The following AFF4 variants were observed in gnomAD, a reference collection of about 807,000 sequenced individuals.
AFF4 encodes the protein AF4/FMR2 family member 4.
Under a neutral mutation model 124.8 loss-of-function variants are expected in AFF4, and 13 were observed. That is an observed-to-expected ratio of 0.10 (90% CI 0.07 to 0.17). The LOEUF is 0.17. AFF4 is among the 10% of genes least tolerant of loss of function. The probability of loss-of-function intolerance (pLI) is 1.00; values close to 1 mark genes in which losing one functional copy is unlikely to be tolerated. For synonymous variants in AFF4, 477 were observed against 496.1 expected (o/e 0.96, Z 0.51); for missense variants, 1,092 against 1,403.8 (o/e 0.78, Z 3.55).
chr5:132,897,058 C>T lies in AFF4; in HGVS notation c.1572G>A (p.Thr524=), dbSNP rs111370902. ...AGTCTCGTCCCGGAGTAGCGGAACTCGTTTCTTTAGGTCCACTTGTATCAG... is the reference window on the plus strand; with the variant it reads ...AGTCTCGTCCCGGAGTAGCGGAACTTGTTTCTTTAGGTCCACTTGTATCAG... The part of the protein sequence containing the change: ...SYTDTSGPKE[T]SSATPGRDSK... The change falls in exon 11 of 21, where the codon ACG becomes ACA. Residue 524 remains threonine, a synonymous_variant. Coordinates refer to ENST00000265343, the MANE Select transcript of AFF4 (RefSeq NM_014423.4). The T allele has an allele frequency of 2.5e-6, 4 of 1,614,140 alleles. No individual in the cohort carries two copies. Among genetic ancestry groups the T allele is most frequent in the Non-Finnish European group, 1.7e-6 (2 of 1,180,014 alleles).
intron 1 of AFF4, among the ~76,000 whole-genome samples, chr5:132,958,758 G>T (rs1762015721): frequency 6.6e-6 from 1 of 152,090 alleles, no homozygotes; most frequent in African/African-American, 2.4e-5. Flanking sequence ...ATGATGACAT[G>T]AAAAGGAAAA....
intron 1 of AFF4, among the ~76,000 whole-genome samples, chr5:132,949,713 C>CGT (rs1159711781): frequency 2.0e-5 from 3 of 151,410 alleles, no homozygotes; most frequent in African/African-American, 7.3e-5. Flanking sequence ...CGCGCGCGCG[C>CGT]GCGCCAGGCG....
At chr5:132,903,681 G>C (rs772068600) in intron 6 of AFF4, among the ~76,000 whole-genome samples, 5 of 152,108 alleles carry the variant, frequency 3.3e-5, no homozygotes, top group African/African-American at 7.2e-5. Context: ...AAAAAACAGG[G>C]ACTGTACAAA....
intron 1 of AFF4, among the ~76,000 whole-genome samples, chr5:132,940,900 G>A (rs1255044715): frequency 1.3e-5 from 2 of 152,024 alleles, no homozygotes; most frequent in African/African-American, 4.8e-5. Flanking sequence ...GGTGGCAGGT[G>A]CCTGTAATCC....
intron 5 of AFF4, among the ~76,000 whole-genome samples, chr5:132,907,753 T>C (rs113479346): frequency 6.8e-5 from 10 of 146,608 alleles, no homozygotes; most frequent in African/African-American, 2.2e-4. Flanking sequence ...CTAAGTGCCA[T>C]AGGGAGAGAG....
At chr5:132,916,663 T>C (rs1317912000) in intron 5 of AFF4, among the ~76,000 whole-genome samples, 1 of 152,126 alleles carries the variant, frequency 6.6e-6, no homozygotes, top group Non-Finnish European at 1.5e-5. Flanking sequence ...GGAGGCCCTA[T>C]AATTAAACTC....
At position 132,892,254 on chromosome 5, in the gene AFF4, C is replaced by T; in HGVS notation, c.2547G>A (p.Lys849=). The T allele has an allele frequency of 6.2e-7, 1 of 1,614,064 alleles. No individual in the cohort carries two copies. The change falls in exon 13 of 21, where the codon AAG becomes AAA. Residue 849 remains lysine (K), a synonymous_variant. Transcript: ENST00000265343. ...TGTTTTTGCTGCTGCCACTCGTCTC[C>T]TTGTTGCTGTTACTGCTTGACTTTA... is the stretch of plus-strand genomic sequence containing the variant. ...SSLKSSSNSN[K]ETSGSSKNSS...
intron 18 of AFF4, among the ~76,000 whole-genome samples, chr5:132,885,414 G>A: frequency 7.3e-6 from 1 of 136,234 alleles, no homozygotes; most frequent in Non-Finnish European, 1.5e-5. Context: ...CTACCTGGGA[G>A]TAGCTGCAGT....
At chr5:132,943,746 C>T (rs1179700184) in intron 1 of AFF4, 1 of 317,402 alleles carries the variant, frequency 3.2e-6, no homozygotes, top group South Asian at 7.1e-5. Flanking sequence ...GGAAAAATGA[C>T]CCACCAATGG....
chr5:132,916,238 C>CAAA lies in AFF4; in HGVS notation c.1050+10880_1050+10882dup, dbSNP rs70974061. On this transcript the variant is annotated intron_variant, in intron 5 of 20. Transcript: ENST00000265343. ...TGGGTGACAGAGTAAGATGCTGTCT[C>CAAA]AAAAAAAAAAAAAAAAAAAAAAAAA... 1.2e-3 allele frequency among the ~76,000 whole-genome samples: 63 copies of CAAA among 50,682 alleles called. 3 individuals are homozygous for CAAA. The highest frequency in any genetic ancestry group is 2.1e-3 in the East Asian group (3 of 1,438). 33.2% of individuals were successfully genotyped at this position (50,682 alleles called of 152,430 possible). A position where few individuals can be genotyped will look rare whatever the true frequency, so the allele number is the denominator to read the frequency against.
intron 11 of AFF4, among the ~76,000 whole-genome samples, chr5:132,893,864 C>A (rs1371057508): frequency 6.6e-6 from 1 of 152,224 alleles, no homozygotes; most frequent in Non-Finnish European, 1.5e-5. Context: ...CCCCCAGACA[C>A]TGGCAATCAC....
At chr5:132,956,544 A>G (rs1206257923) in intron 1 of AFF4, among the ~76,000 whole-genome samples, 1 of 151,380 alleles carries the variant, frequency 6.6e-6, no homozygotes, top group Non-Finnish European at 1.5e-5. Flanking sequence ...AGCAGGGAGA[A>G]TCACTTGAAC....
chr5:132,959,699 A>T (rs917552152), intron 1 of AFF4, among the ~76,000 whole-genome samples: 1 of 150,802 alleles, frequency 6.6e-6, no homozygotes, highest in African/African-American at 2.4e-5. Flanking sequence ...CTAGAGTATC[A>T]CTTCAAATAA....
intron 11 of AFF4, 24 bp downstream of exon 11, chr5:132,896,299 A>G (rs1173098860): frequency 6.5e-7 from 1 of 1,547,006 alleles, no homozygotes; most frequent in Non-Finnish European, 8.7e-7. Context: ...GTTTCAAAAC[A>G]AACAACAAAA....
At chr5:132,924,675 G>A (rs1016001934) in intron 5 of AFF4, among the ~76,000 whole-genome samples, 7 of 152,004 alleles carry the variant, frequency 4.6e-5, no homozygotes, top group African/African-American at 1.7e-4. Context: ...TCAACATGGT[G>A]AAACCCTGTC....
Position 132,879,317 on chromosome 5 carries a change from CCTTTCCT to C in AFF4, c.*1735_*1741del, listed in dbSNP as rs1322879738. 1 of 214,900 alleles carries C rather than the reference CCTTTCCT, an allele frequency of 4.7e-6. No homozygotes were observed. Among genetic ancestry groups the C allele is most frequent in the Non-Finnish European group, 9.4e-6 (1 of 106,348 alleles). 13.3% of individuals were successfully genotyped at this position (214,900 alleles called of 1,614,324 possible). On this transcript the variant is annotated 3_prime_UTR_variant, in exon 21 of 21. Transcript: ENST00000265343. ...TGAAACTTTTCTATCCCTTCTTTCC[CCTTTCCT>C]ATTTCAAGCCTTAGCAATCATCTAC...
rs759672106 is a variant in AFF4 at position 132,932,208 on chromosome 5, A to G, written c.933T>C (p.Gly311=). The G allele has an allele frequency of 3.6e-5, 58 of 1,607,010 alleles. No homozygotes were observed. Among genetic ancestry groups the G allele is most frequent in the Non-Finnish European group, 4.8e-5 (57 of 1,177,434 alleles). ...PSQPLDASAS[G]DVSCVDEILK... is the part of the protein sequence containing the mutation. ...GGATTTCATCCACACAGCTCACATC[A>G]CCAGAAGCTGATGCCTTGAAAGAAA... The change falls in exon 4 of 21, where the codon GGT becomes GGC. Residue 311 remains glycine (G), a synonymous_variant. Transcript: ENST00000265343.
intron 1 of AFF4, among the ~76,000 whole-genome samples, chr5:132,960,744 A>C (rs1561517032): frequency 6.6e-6 from 1 of 152,202 alleles, no homozygotes; most frequent in Non-Finnish European, 1.5e-5. Context: ...ATCACATTCA[A>C]ATTCAATCTA....
In AFF4 at chr5:132,936,938, G is replaced by C. The variant is rs568784168; in HGVS notation, c.123+129C>G. On this transcript the variant is annotated intron_variant, in intron 2 of 20. Transcript: ENST00000265343. ...CCCCAAAAAATATCTTCTATGTAAA[G>C]GACAGGAAAAAAATGTTAAGTGGTA... The C allele has an allele frequency of 3.8e-5, 48 of 1,258,828 alleles. No homozygotes were observed. The East Asian group carries it at 1.1e-3, about 30-fold the overall frequency. The allele number at this position is 1,258,828 out of a possible 1,614,324, so 78.0% of individuals were successfully genotyped here. A position where few individuals can be genotyped will look rare whatever the true frequency, so the allele number is the denominator to read the frequency against.
Sources: allele counts gnomAD v4.1 joint callset (sites outside exome capture counted in the v4.1 genomes callset), GRCh38; gene constraint gnomAD v4.1.1; transcripts MANE v1.5; gene names NCBI Gene and HGNC (gene_info 2026-07-23, HGNC 2026-07-21).